Variants in R3HDM4 observed in about 807,000 individuals in gnomAD.
R3HDM4 encodes R3H domain containing 4.
Under a neutral mutation model 31.3 loss-of-function variants are expected in R3HDM4, and 30 were observed. That is an observed-to-expected ratio of 0.96 (90% confidence interval 0.72 to 1.30). The LOEUF is 1.30. R3HDM4 is among the 50% of genes most tolerant of loss of function. The pLI, the probability that R3HDM4 is intolerant of heterozygous loss-of-function variation, is 0.00. For synonymous variants in R3HDM4, 196 were observed against 156.6 expected, an observed-to-expected ratio of 1.25 and a Z score of -1.88; for missense variants, 444 against 366.1, an observed-to-expected ratio of 1.21 and a Z score of -1.74.
At chr19:911,083 T>C (rs1446752947) in intron 1 of R3HDM4, among the ~76,000 whole-genome samples, 1 of 151,756 alleles carries the variant, frequency 6.6e-6, no homozygotes, top group African/African-American at 2.4e-5. Context: ...ATCGCCCCAC[T>C]GCACTCCAGC....
chr19:899,666 C>T lies in R3HDM4; in HGVS notation c.582G>A (p.Glu194=), dbSNP rs2036798912. 1.3e-6 allele frequency: 2 copies of T among 1,597,474 alleles called. No individual in the cohort carries two copies. The highest frequency in any genetic ancestry group is 2.2e-5 in the East Asian group (1 of 44,584). The change falls in exon 6 of 8, where the codon GAG becomes GAA. Residue 194 remains glutamate, a synonymous_variant. Transcript: ENST00000361574. The surrounding 1 kb of genome is among the most constrained non-coding windows in gnomAD (Gnocchi z 6.8). ...CGGAGAAGAACCGAAGCAGCCGCTC[C>T]TCCCAGGTCTCCAGCGTTTCCTGGG... is the stretch of plus-strand genomic sequence containing the variant. ...RIPMETLETW[E]ERLLRFFSVS... is the part of the protein sequence containing the mutation.
intron 1 of R3HDM4, among the ~76,000 whole-genome samples, chr19:904,029 C>T (rs113478016): frequency 7.2e-5 from 11 of 152,180 alleles, no homozygotes; most frequent in African/African-American, 1.9e-4. Flanking sequence ...CCAGCCTGGA[C>T]GACAGAGCGA....
intron 1 of R3HDM4, among the ~76,000 whole-genome samples, chr19:903,620 G>A (rs757291901): frequency 3.9e-5 from 6 of 152,334 alleles, no homozygotes; most frequent in Non-Finnish European, 5.9e-5. Flanking sequence ...CAAACTGGGC[G>A]TGGGAGCTCA....
chr19:910,323 C>CAA (rs34077492), intron 1 of R3HDM4, among the ~76,000 whole-genome samples: 97 of 142,254 alleles, frequency 6.8e-4, no homozygotes, highest in Admixed American at 1.1e-3. Context: ...GAAACCATCT[C>CAA]AAAAAAAAAA....
At position 897,997 on chromosome 19, in the gene R3HDM4, G is replaced by C. The variant is rs144169015; in HGVS notation, c.704-457C>G. ...AAAATGAATGACCTGGCCAGGCGCA[G>C]TGGCTCATGCCTGTAATCCCAGCAC... On this transcript the variant is annotated intron_variant, in intron 7 of 7. Transcript: ENST00000361574. Among the ~76,000 whole-genome samples the C allele has an allele frequency of 8.3e-3, 1,271 of 152,266 alleles. 16 individuals are homozygous for C. The highest frequency in any genetic ancestry group is 0.029 in the African/African-American group (1,208 of 41,556).
intron 7 of R3HDM4, among the ~76,000 whole-genome samples, chr19:898,235 T>A (rs1385049900): frequency 0.022 from 2,852 of 128,654 alleles, 69 homozygotes; most frequent in African/African-American, 0.067. Context: ...AAAAAATATA[T>A]ATATATATAT....
intron 1 of R3HDM4, among the ~76,000 whole-genome samples, chr19:910,714 C>G (rs1448959418): frequency 6.6e-6 from 1 of 152,114 alleles, no homozygotes. Context: ...AAAGACGCAT[C>G]CTTTCTCCTT....
At position 899,748 on chromosome 19, in the gene R3HDM4, TCCAGGGCCC is replaced by T. The variant is rs2036800774; in HGVS notation, c.562-71_562-63del. 1.5e-6 allele frequency: 2 copies of T among 1,357,268 alleles called. No individual in the cohort carries two copies. Among genetic ancestry groups the T allele is most frequent in the Admixed American group, 5.5e-5 (2 of 36,570 alleles). 84.1% of individuals were successfully genotyped at this position (1,357,268 alleles called of 1,614,324 possible). A position where few individuals can be genotyped will look rare whatever the true frequency, so the allele number is the denominator to read the frequency against. On this transcript the variant is annotated intron_variant, in intron 5 of 7. Coordinates refer to ENST00000361574, the MANE Select transcript of R3HDM4 (RefSeq NM_138774.4). This position sits in a 1 kb window ranked among gnomAD's most constrained non-coding sequence, Gnocchi z 6.8. ...ACCTGTGGGTGGGGGGCCAGGGAGG[TCCAGGGCCC>T]CCAGGAGCCCACAGCGCTGGGCTCA...
intron 1 of R3HDM4, among the ~76,000 whole-genome samples, chr19:910,194 A>G (rs2036954938): frequency 1.3e-5 from 2 of 151,946 alleles, no homozygotes; most frequent in African/African-American, 4.8e-5. Flanking sequence ...GTGCGGTGGC[A>G]CATGCCTGTA....
rs746529996 is a variant in R3HDM4 at position 900,868 on chromosome 19, G to C, written c.436C>G (p.Arg146Gly). Residue 146 changes from arginine (R) to glycine (G), a missense_variant, in exon 4 of 8, where the codon CGG becomes GGG. Coordinates refer to ENST00000361574, the MANE Select transcript of R3HDM4 (RefSeq NM_138774.4). ...YLEDEGRSKARRRGPGRGEDR... is the reference protein window; with the variant it reads ...YLEDEGRSKAGRRGPGRGEDR... ...TCCCCACGGCCAGGGCCCCTCCTCC[G>C]CGCCTTGCTCCTGCCCTCATCCTCC... The C allele has an allele frequency of 4.0e-6, 6 of 1,504,224 alleles. No individual in the cohort carries two copies. Among genetic ancestry groups the C allele is most frequent in the Non-Finnish European group, 5.4e-6 (6 of 1,120,422 alleles). The allele number at this position is 1,504,224 out of a possible 1,614,324, so 93.2% of individuals were successfully genotyped here. A position where few individuals can be genotyped will look rare whatever the true frequency, so the allele number is the denominator to read the frequency against.
intron 1 of R3HDM4, among the ~76,000 whole-genome samples, chr19:905,011 A>C (rs1161416340): frequency 6.6e-6 from 1 of 151,590 alleles, no homozygotes; most frequent in African/African-American, 2.4e-5. Context: ...GTTCAAGACC[A>C]CCCTGGCCAA....
intron 1 of R3HDM4, among the ~76,000 whole-genome samples, chr19:912,309 TCGGGGCG>T (rs2036984579): frequency 9.7e-5 from 1 of 10,342 alleles, no homozygotes; most frequent in Non-Finnish European, 1.6e-4. Context: ...GACCCGGGAG[TCGGGGCG>T]TGGGCCAGGG....
At position 897,368 on chromosome 19, in the gene R3HDM4, T is replaced by A; in HGVS notation, c.*69A>T. On this transcript the variant is annotated 3_prime_UTR_variant, in exon 8 of 8. Coordinates refer to ENST00000361574, the MANE Select transcript of R3HDM4 (RefSeq NM_138774.4). Reference sequence around the variant, plus strand: ...ACAAATTCTAAAAATATGAAAGATATTTTAGCCGAAGGTATCGGAGGGCTT... The same window carrying A: ...ACAAATTCTAAAAATATGAAAGATAATTTAGCCGAAGGTATCGGAGGGCTT... The A allele has an allele frequency of 1.7e-6, 2 of 1,166,170 alleles. No individual in the cohort carries two copies. Among genetic ancestry groups the A allele is most frequent in the Non-Finnish European group, 2.4e-6 (2 of 832,320 alleles). 72.2% of individuals were successfully genotyped at this position (1,166,170 alleles called of 1,614,324 possible).
rs2036754154 is a variant in R3HDM4, at chr19:897,448, G to A, written c.796C>T (p.Gln266Ter). 10 of 1,610,012 alleles carry A rather than the reference G, an allele frequency of 6.2e-6. No individual in the cohort carries two copies. Among genetic ancestry groups the A allele is most frequent in the South Asian group, 1.1e-5 (1 of 90,634 alleles). Residue 266 changes from glutamine to a stop codon, truncating the protein, a stop_gained, in exon 8 of 8, where the codon CAG (glutamine) becomes TAG (stop). Coordinates refer to ENST00000361574, the MANE Select transcript of R3HDM4 (RefSeq NM_138774.4). LOFTEE classifies it high-confidence loss of function. ...PGLLLSAYLE[Q>*]HS ...CCGCGGGGCCGCCATCAGCTGTGCT[G>A]CTCCAGGTAGGCGGACAGGAGCAGC...
rs754434107 is a variant in R3HDM4 at position 899,627 on chromosome 19, G to A, written c.621C>T (p.Ala207=). 6.2e-5 allele frequency: 99 copies of A among 1,609,564 alleles called. 1 individual carries two copies. In the East Asian group the frequency reaches 1.5e-3, roughly 25 times the overall value. ...LLRFFSVSPQ[A]VYTAMLDNSF... is the part of the protein sequence containing the mutation. Reference sequence around the variant, plus strand: ...TGTTGTCTAGCATTGCTGTGTACACGGCCTGGGGGGACACGGAGAAGAACC... The same window carrying A: ...TGTTGTCTAGCATTGCTGTGTACACAGCCTGGGGGGACACGGAGAAGAACC... Residue 207 remains alanine (A), a synonymous_variant, in exon 6 of 8, where the codon GCC becomes GCT. Transcript: ENST00000361574. This position sits in a 1 kb window ranked among gnomAD's most constrained non-coding sequence, Gnocchi z 6.8.
chr19:899,020 G>A lies in R3HDM4; in HGVS notation c.703+420C>T, dbSNP rs920679555. Among the ~76,000 whole-genome samples, 2 of 152,168 alleles carry A rather than the reference G, an allele frequency of 1.3e-5. No homozygotes were observed. Among genetic ancestry groups the A allele is most frequent in the South Asian group, 4.1e-4 (2 of 4,832 alleles). On this transcript the variant is annotated intron_variant, in intron 7 of 7. Transcript: ENST00000361574. This position sits in a 1 kb window ranked among gnomAD's most constrained non-coding sequence, Gnocchi z 6.8. ...CTGCGCCCCGTTGGAAAAGTGGAGC[G>A]CAGGGGCCAGTAGGGGGTCTCGCCT... is the stretch of plus-strand genomic sequence containing the variant.
chr19:900,193 G>T (rs1184336561), intron 4 of R3HDM4, 47 bp from the exon 5 acceptor site: 1 of 1,465,168 alleles, frequency 6.8e-7, no homozygotes, highest in East Asian at 2.4e-5. Flanking sequence ...GCTCGTCCTG[G>T]CCCTGCCCAC....
Position 899,933 on chromosome 19 carries a change from C to T in R3HDM4, c.561+128G>A. ...CGCCCTCCTACTCAGGGCCCTGGTG[C>T]CGCTGTCTGTATCCTGCCCTGTTTC... On this transcript the variant is annotated intron_variant, in intron 5 of 7. Coordinates refer to ENST00000361574, the MANE Select transcript of R3HDM4 (RefSeq NM_138774.4). The surrounding 1 kb of genome is among the most constrained non-coding windows in gnomAD (Gnocchi z 6.8). 9.8e-7 allele frequency: 1 copy of T among 1,016,312 alleles called. No individual in the cohort carries two copies. Among genetic ancestry groups the T allele is most frequent in the South Asian group, 1.5e-5 (1 of 68,626 alleles). 63.0% of individuals were successfully genotyped at this position (1,016,312 alleles called of 1,614,324 possible).
intron 1 of R3HDM4, among the ~76,000 whole-genome samples, chr19:911,870 G>A (rs1318389839): frequency 6.6e-6 from 1 of 151,960 alleles, no homozygotes; most frequent in African/African-American, 2.4e-5. Flanking sequence ...TTACCCAAAG[G>A]AGAGCAAGGA....
Sources: allele counts gnomAD v4.1 joint callset (sites outside exome capture counted in the v4.1 genomes callset), GRCh38; gene constraint gnomAD v4.1.1; non-coding constraint Gnocchi (gnomAD v3.1); transcripts MANE v1.5; gene names NCBI Gene and HGNC (gene_info 2026-07-23, HGNC 2026-07-21).